LAPTM4B: variants seen among roughly 807,000 people sequenced by gnomAD.
The protein encoded by LAPTM4B is lysosomal protein transmembrane 4 beta, also known as lysosomal-associated transmembrane protein 4B.
In LAPTM4B, 26 loss-of-function variants were observed where a neutral mutation model predicts 28.5. That is an observed-to-expected ratio of 0.91 (90% confidence interval 0.67 to 1.27). The LOEUF is 1.27. Ranked by LOEUF, LAPTM4B falls within the 50% of genes most tolerant of loss-of-function variation. The pLI is 0.00. For synonymous variants in LAPTM4B, 109 were observed against 106.4 expected, an observed-to-expected ratio of 1.02 and a Z score of -0.15; for missense variants, 288 against 285.8, an observed-to-expected ratio of 1.01 and a Z score of -0.06.
At chr8:97,810,931 G>T (rs1359622201) in intron 2 of LAPTM4B, among the ~76,000 whole-genome samples, 1 of 152,202 alleles carries the variant, frequency 6.6e-6, no homozygotes, top group Non-Finnish European at 1.5e-5. Flanking sequence ...AGAAAGGATG[G>T]TCTTTTCAAT....
intron 5 of LAPTM4B, among the ~76,000 whole-genome samples, chr8:97,822,417 TA>T (rs926750467): frequency 1.7e-4 from 7 of 42,128 alleles, no homozygotes; most frequent in Non-Finnish European, 2.7e-4. Flanking sequence ...CAATTATCTT[TA>T]AAAAGACTTT....
chr8:97,811,844 C>T (rs891545203), intron 2 of LAPTM4B, among the ~76,000 whole-genome samples: 6 of 152,156 alleles, frequency 3.9e-5, no homozygotes, highest in African/African-American at 4.8e-5. Flanking sequence ...CTTGCTCTGT[C>T]GCCCAGGCTG....
At chr8:97,844,299 G>GATA (rs1817397352) in intron 6 of LAPTM4B, among the ~76,000 whole-genome samples, 1 of 152,048 alleles carries the variant, frequency 6.6e-6, no homozygotes, top group Admixed American at 6.6e-5. Flanking sequence ...GTCTTGCTAT[G>GATA]TTGCCTAGGC....
chr8:97,845,751 G>A (rs10441499), intron 6 of LAPTM4B, among the ~76,000 whole-genome samples: 46,154 of 151,752 alleles, frequency 0.3, 7,303 homozygotes, highest in Admixed American at 0.38. Context: ...AATTTCAGGG[G>A]ACTGGTAGAT....
At chr8:97,845,879 C>T (rs1451364940) in intron 6 of LAPTM4B, among the ~76,000 whole-genome samples, 1 of 65,616 alleles carries the variant, frequency 1.5e-5, no homozygotes. Context: ...CTCCCCTCCC[C>T]TCCCCTCCCC....
At chr8:97,786,680 CAG>C (rs1390148964) in intron 1 of LAPTM4B, among the ~76,000 whole-genome samples, 2 of 145,484 alleles carry the variant, frequency 1.4e-5, no homozygotes, top group Admixed American at 7.0e-5. Context: ...GCCCGGGCAA[CAG>C]AGCGAGACTC....
chr8:97,831,795 C>A (rs954269394), intron 6 of LAPTM4B, among the ~76,000 whole-genome samples: 1 of 152,184 alleles, frequency 6.6e-6, no homozygotes, highest in Non-Finnish European at 1.5e-5. Flanking sequence ...GCCTCTTTCG[C>A]TGTTTTGTGG....
At chr8:97,843,549 G>A (rs1317681600) in intron 6 of LAPTM4B, among the ~76,000 whole-genome samples, 1 of 152,106 alleles carries the variant, frequency 6.6e-6, no homozygotes, top group Admixed American at 6.5e-5. Flanking sequence ...AGGCTGAAGC[G>A]AGCAGGTCAC....
intron 1 of LAPTM4B, among the ~76,000 whole-genome samples, chr8:97,780,056 A>G (rs921049700): frequency 6.7e-6 from 1 of 149,728 alleles, no homozygotes; most frequent in Non-Finnish European, 1.5e-5. Context: ...GTCTCAAAAA[A>G]AAAAAAAAAA....
rs887576412 is a variant in LAPTM4B, at chr8:97,850,885, G to A, written c.604-512G>A. On this transcript the variant is annotated intron_variant, in intron 6 of 6. Coordinates refer to ENST00000521545, the MANE Select transcript of LAPTM4B (RefSeq NM_018407.6). ...GCCGAAATCAGCCAGTGTATAGACC[G>A]CCAACTCTGAGGTATCCTTATTTCA... is the stretch of plus-strand genomic sequence containing the variant. Among the ~76,000 whole-genome samples the A allele has an allele frequency of 5.3e-5, 8 of 150,592 alleles. No individual in the cohort carries two copies. In the East Asian group the frequency reaches 1.2e-3, roughly 22 times the overall value.
chr8:97,794,823 C>T (rs1389327757), intron 1 of LAPTM4B, among the ~76,000 whole-genome samples: 3 of 152,180 alleles, frequency 2.0e-5, no homozygotes, highest in Non-Finnish European at 4.4e-5. Flanking sequence ...AAGTGATTCT[C>T]CTGCCTCAGC....
intron 1 of LAPTM4B, among the ~76,000 whole-genome samples, chr8:97,780,063 AAAAAAG>A (rs1394569406): frequency 6.6e-6 from 1 of 150,730 alleles, no homozygotes; most frequent in African/African-American, 2.4e-5. Flanking sequence ...AAAAAAAAAA[AAAAAAG>A]AAAAGTAAAA....
At chr8:97,825,237 AT>A in intron 6 of LAPTM4B, 84 bp downstream of exon 6, 1 of 687,770 alleles carries the variant, frequency 1.5e-6, no homozygotes, top group East Asian at 2.6e-5. Flanking sequence ...TGTTTGCTAC[AT>A]TTTTATTGTT....
rs1817072817 is a variant in LAPTM4B, at chr8:97,825,097, A to T, written c.547A>T (p.Ile183Phe). The change falls in exon 6 of 7, where the codon ATC becomes TTC. Residue 183 changes from isoleucine (I) to phenylalanine (F), a missense_variant. Transcript: ENST00000521545. ...CTGTGTTTGGAACTGCTACCGATAC[A>T]TCAATGGTAGGAACTCCTCTGATGT... ...ISCVWNCYRYINGRNSSDVLV... is the reference protein window; with the variant it reads ...ISCVWNCYRYFNGRNSSDVLV... 5.6e-6 allele frequency: 9 copies of T among 1,611,966 alleles called. No individual in the cohort carries two copies. The highest frequency in any genetic ancestry group is 7.6e-6 in the Non-Finnish European group (9 of 1,178,088).
At chr8:97,815,991 T>G in intron 3 of LAPTM4B, 67 bp from the exon 4 acceptor site, 1 of 1,121,172 alleles carries the variant, frequency 8.9e-7, no homozygotes, top group Non-Finnish European at 1.2e-6. Flanking sequence ...TAAAATACTT[T>G]GAATTTAAGA....
At chr8:97,812,711 T>G (rs1714508360) in intron 2 of LAPTM4B, among the ~76,000 whole-genome samples, 1 of 152,098 alleles carries the variant, frequency 6.6e-6, no homozygotes, top group African/African-American at 2.4e-5. Flanking sequence ...GCAGTGACAT[T>G]TGGACTAGGA....
chr8:97,817,956 G>A (rs1337050684), intron 4 of LAPTM4B, among the ~76,000 whole-genome samples: 1 of 151,582 alleles, frequency 6.6e-6, no homozygotes, highest in Non-Finnish European at 1.5e-5. Flanking sequence ...TTGGACTACA[G>A]ACATGCACCA....
At chr8:97,798,083 T>C (rs1442361739) in intron 1 of LAPTM4B, among the ~76,000 whole-genome samples, 2 of 152,240 alleles carry the variant, frequency 1.3e-5, no homozygotes, top group Non-Finnish European at 2.9e-5. Flanking sequence ...ATTCTGCTCC[T>C]GGCAAGCCTG....
At chr8:97,815,777 A>G (rs2098853385) in intron 3 of LAPTM4B, among the ~76,000 whole-genome samples, 1 of 152,086 alleles carries the variant, frequency 6.6e-6, no homozygotes, top group Non-Finnish European at 1.5e-5. Flanking sequence ...CATGTTGGGC[A>G]GGCTAGTCTC....
Sources: gnomAD v4.1 joint callset for allele counts (sites outside exome capture counted in the v4.1 genomes callset) on GRCh38, gnomAD v4.1.1 for gene constraint, MANE v1.5 for transcripts, NCBI Gene and HGNC (gene_info 2026-07-23, HGNC 2026-07-21) for gene names.